Variants in GRM8 observed in about 807,000 individuals in gnomAD.
GRM8 encodes metabotropic glutamate receptor 8.
In GRM8, 47 loss-of-function variants were observed where a neutral mutation model predicts 87.2. The ratio of observed to expected loss-of-function variants is 0.54; its 90% CI spans 0.43 to 0.69. GRM8 has a LOEUF of 0.69. Among genes scored for constraint, GRM8 ranks in the 30% least tolerant of loss-of-function variants. The probability of loss-of-function intolerance (pLI) is 0.00; values close to 1 mark genes in which losing one functional copy is unlikely to be tolerated. For synonymous variants in GRM8, 396 were observed against 404.5 expected, an observed-to-expected ratio of 0.98 and a Z score of 0.25; for missense variants, 1,019 against 1,139.2, an observed-to-expected ratio of 0.89 and a Z score of 1.52.
intron 2 of GRM8, among the ~76,000 whole-genome samples, chr7:127,146,009 C>T (rs1828533410): frequency 2.0e-5 from 3 of 151,868 alleles, no homozygotes; most frequent in Admixed American, 2.0e-4. Context: ...AAAATGGGAG[C>T]AATCTGGTGG....
In GRM8 at chr7:126,723,986, C is replaced by T. The variant is rs77277110; in HGVS notation, c.1357+45879G>A. 1.2e-3 allele frequency among the ~76,000 whole-genome samples: 177 copies of T among 152,096 alleles called. 2 individuals carry two copies. The East Asian group carries it at 0.029, about 25-fold the overall frequency. ...CAGGAGTTTACATTTGTTAGTTTCC[C>T]TTCAAAACCTAACAACATTTACATA... On this transcript the variant is annotated intron_variant, in intron 7 of 10. Coordinates refer to ENST00000339582, the MANE Select transcript of GRM8 (RefSeq NM_000845.3).
chr7:126,867,267 G>A (rs2130866738), intron 6 of GRM8, among the ~76,000 whole-genome samples: 1 of 152,290 alleles, frequency 6.6e-6, no homozygotes, highest in South Asian at 2.1e-4. Flanking sequence ...TCACTAGTAT[G>A]AAGGGCTCTG....
In GRM8 at chr7:126,899,396, G is replaced by A. The variant is rs13228638; in HGVS notation, c.1156+3146C>T. Among the ~76,000 whole-genome samples, 20 of 152,042 alleles carry A rather than the reference G, an allele frequency of 1.3e-4. No individual in the cohort carries two copies. In the East Asian group the frequency reaches 3.1e-3, roughly 24 times the overall value. On this transcript the variant is annotated intron_variant, in intron 6 of 10. Transcript: ENST00000339582. ...TTTACTGCTGTTCACGCACCTACAC[G>A]TCACACCCTACTCCATGCCTTTGTC...
chr7:126,443,102 G>T (rs1259845183), intron 10 of GRM8, among the ~76,000 whole-genome samples: 4 of 151,958 alleles, frequency 2.6e-5, no homozygotes, highest in Non-Finnish European at 5.9e-5. Flanking sequence ...GCATCACACT[G>T]TGTTCATAAG....
intron 5 of GRM8, among the ~76,000 whole-genome samples, chr7:126,903,037 T>C (rs1280045859): frequency 1.3e-5 from 2 of 152,184 alleles, no homozygotes; most frequent in African/African-American, 4.8e-5. Flanking sequence ...CAACTTAAAC[T>C]TGCCTCATTC....
intron 7 of GRM8, among the ~76,000 whole-genome samples, chr7:126,629,752 G>A (rs2106313): frequency 0.31 from 46,811 of 152,018 alleles, 8,083 homozygotes; most frequent in East Asian, 0.43. Flanking sequence ...CACTGTGATA[G>A]ATGTGAATTG....
chr7:126,449,683 G>A (rs1361766169), intron 9 of GRM8, among the ~76,000 whole-genome samples: 1 of 151,822 alleles, frequency 6.6e-6, no homozygotes, highest in Non-Finnish European at 1.5e-5. Flanking sequence ...TGGGCCACAT[G>A]CTTAGAATAA....
At chr7:126,822,482 C>A (rs897246428) in intron 6 of GRM8, among the ~76,000 whole-genome samples, 1 of 151,024 alleles carries the variant, frequency 6.6e-6, no homozygotes, top group Admixed American at 6.6e-5. Context: ...ATTTTTCTTT[C>A]TTTTCCTCTG....
chr7:127,220,733 C>G (rs911860525), intron 2 of GRM8, among the ~76,000 whole-genome samples: 2 of 152,206 alleles, frequency 1.3e-5, no homozygotes, highest in Non-Finnish European at 2.9e-5. Flanking sequence ...AAGTACTCCC[C>G]CTATCTTGGC....
chr7:126,865,664 A>G (rs1273540588), intron 6 of GRM8, among the ~76,000 whole-genome samples: 1 of 152,218 alleles, frequency 6.6e-6, no homozygotes, highest in Non-Finnish European at 1.5e-5. Flanking sequence ...TGGATATTCC[A>G]TATAAATGGA....
At chr7:126,525,143 G>T (rs1813641807) in intron 9 of GRM8, among the ~76,000 whole-genome samples, 2 of 152,132 alleles carry the variant, frequency 1.3e-5, no homozygotes. Flanking sequence ...TTGTTTGAGA[G>T]GGCTGACTAT....
chr7:126,837,010 A>G (rs1795872356), intron 6 of GRM8, among the ~76,000 whole-genome samples: 1 of 152,124 alleles, frequency 6.6e-6, no homozygotes, highest in Admixed American at 6.5e-5. Flanking sequence ...ATTTTAACAT[A>G]ATAGGAATAT....
chr7:126,508,501 T>G (rs1810840607), intron 9 of GRM8, among the ~76,000 whole-genome samples: 1 of 152,072 alleles, frequency 6.6e-6, no homozygotes, highest in South Asian at 2.1e-4. Flanking sequence ...ATACTGTTAC[T>G]TTGGCAATTA....
At chr7:126,906,167 C>T (rs1802649655) in intron 3 of GRM8, among the ~76,000 whole-genome samples, 1 of 152,054 alleles carries the variant, frequency 6.6e-6, no homozygotes, top group Non-Finnish European at 1.5e-5. Context: ...GCACCATCTG[C>T]CATGTGAGGA....
At chr7:126,738,333 G>T (rs1185306768) in intron 7 of GRM8, among the ~76,000 whole-genome samples, 1 of 152,040 alleles carries the variant, frequency 6.6e-6, no homozygotes, top group Non-Finnish European at 1.5e-5. Context: ...ACTAGAGAGA[G>T]GGGAATAAAA....
intron 7 of GRM8, among the ~76,000 whole-genome samples, chr7:126,729,106 A>C (rs1813319331): frequency 6.6e-6 from 1 of 152,144 alleles, no homozygotes; most frequent in Non-Finnish European, 1.5e-5. Context: ...TAAAGACCTG[A>C]TTCCGTCCCC....
chr7:126,931,474 T>C (rs1204712724), intron 3 of GRM8, among the ~76,000 whole-genome samples: 1 of 152,154 alleles, frequency 6.6e-6, no homozygotes. Context: ...AACAATAGAT[T>C]AATAGCATTT....
chr7:126,946,006 C>A (rs764808091), intron 3 of GRM8, among the ~76,000 whole-genome samples: 9 of 152,180 alleles, frequency 5.9e-5, no homozygotes, highest in African/African-American at 1.9e-4. Flanking sequence ...AGTGAAGCCT[C>A]AATTAATGTC....
chr7:126,868,050 C>T (rs1798757900), intron 6 of GRM8, among the ~76,000 whole-genome samples: 2 of 152,138 alleles, frequency 1.3e-5, no homozygotes, highest in African/African-American at 2.4e-5. Context: ...TTGGCTGGTA[C>T]CCTCTGGGCC....
Sources: allele counts gnomAD v4.1 joint callset (sites outside exome capture counted in the v4.1 genomes callset), GRCh38; gene constraint gnomAD v4.1.1; transcripts MANE v1.5; gene names NCBI Gene and HGNC (gene_info 2026-07-23, HGNC 2026-07-21).